GPHN: variants seen among roughly 807,000 people sequenced by gnomAD.
The protein encoded by GPHN is gephyrin.
GPHN carries 17 observed loss-of-function variants against 95.5 expected under a neutral mutation model. The ratio of observed to expected loss-of-function variants is 0.18; its 90% confidence interval spans 0.12 to 0.27. GPHN has a LOEUF of 0.27. Ranked by LOEUF, GPHN falls within the 10% of genes least tolerant of loss-of-function variation. GPHN has a pLI of 1.00. For synonymous variants in GPHN, 320 were observed against 322.5 expected, an observed-to-expected ratio of 0.99 and a Z score of 0.08; for missense variants, 660 against 978.1, an observed-to-expected ratio of 0.67 and a Z score of 4.34.
the GPHN span, chr14:67,590,190 G>A: frequency 2.6e-6 from 4 of 1,543,838 alleles, no homozygotes; most frequent in South Asian, 2.4e-5. Context: ...CCAAAGGGGA[G>A]AAATGCGGAG....
At chr14:67,398,590 ACGACCC>A in the GPHN span, among the ~76,000 whole-genome samples, 1 of 137,602 alleles carries the variant, frequency 7.3e-6, no homozygotes, top group African/African-American at 2.9e-5. Flanking sequence ...AACCACCTAA[ACGACCC>A]TTCTCTTTAT....
intron 10 of GPHN, among the ~76,000 whole-genome samples, chr14:67,036,105 A>T (rs1449683828): frequency 1.3e-5 from 2 of 151,978 alleles, no homozygotes; most frequent in African/African-American, 4.8e-5. Context: ...TATCACATTA[A>T]CAGAACATGG....
the GPHN span, among the ~76,000 whole-genome samples, chr14:67,673,135 GAGTT>G: frequency 6.6e-6 from 1 of 152,158 alleles, no homozygotes; most frequent in Non-Finnish European, 1.5e-5. Context: ...TTGAGGTCAG[GAGTT>G]AGAGATCAGC....
At position 67,061,726 on chromosome 14, in the gene GPHN, G is replaced by A. The variant is rs148437777; in HGVS notation, c.1144+2940G>A. ...TAGGTCTCACTATGTTTCCCAGGCT[G>A]GCCCTCAACTCTCAGCCTCAAGCGA... On this transcript the variant is annotated intron_variant, in intron 11 of 22. Transcript: ENST00000478722. 3.0e-3 allele frequency among the ~76,000 whole-genome samples: 454 copies of A among 151,790 alleles called. 3 individuals are homozygous for A. The highest frequency in any genetic ancestry group is 0.011 in the African/African-American group (436 of 41,362).
the GPHN span, among the ~76,000 whole-genome samples, chr14:67,433,726 A>G: frequency 2.0e-5 from 3 of 152,232 alleles, no homozygotes; most frequent in Non-Finnish European, 2.9e-5. Flanking sequence ...AAAGTTGGCC[A>G]GGGTAATAGA....
the GPHN span, chr14:67,729,519 C>T: frequency 1.5e-5 from 12 of 808,758 alleles, no homozygotes; most frequent in African/African-American, 1.7e-4. Context: ...AACAGAATGC[C>T]GTTGCTTTGT....
chr14:67,033,065 A>T (rs938977874), intron 10 of GPHN, among the ~76,000 whole-genome samples: 1 of 152,200 alleles, frequency 6.6e-6, no homozygotes, highest in African/African-American at 2.4e-5. Flanking sequence ...GAAGATTTCA[A>T]CACAAAGTTA....
At chr14:66,955,309 T>G (rs1425033957) in intron 8 of GPHN, among the ~76,000 whole-genome samples, 1 of 152,192 alleles carries the variant, frequency 6.6e-6, no homozygotes, top group African/African-American at 2.4e-5. Context: ...GATTTTCTAT[T>G]TCTTCTTGAG....
At chr14:66,563,831 A>C (rs1226694042) in intron 1 of GPHN, among the ~76,000 whole-genome samples, 1 of 152,040 alleles carries the variant, frequency 6.6e-6, no homozygotes, top group Admixed American at 6.6e-5. Context: ...CTGGATGCTT[A>C]TCATTCTCTT....
the GPHN span, chr14:67,199,478 A>G: frequency 6.2e-7 from 1 of 1,613,090 alleles, no homozygotes; most frequent in Admixed American, 1.7e-5. Context: ...TGACACAGGC[A>G]ACTCCAAAGG....
At chr14:67,586,604 G>C in the GPHN span, 1 of 437,664 alleles carries the variant, frequency 2.3e-6, no homozygotes, top group Non-Finnish European at 4.1e-6. Flanking sequence ...AATACAGGAA[G>C]TGTTGACCAG....
intron 2 of GPHN, among the ~76,000 whole-genome samples, chr14:66,711,174 GT>G (rs1300162802): frequency 1.3e-5 from 2 of 152,024 alleles, no homozygotes; most frequent in African/African-American, 4.8e-5. Context: ...CACCCTATTT[GT>G]AGTCTTAACC....
intron 2 of GPHN, among the ~76,000 whole-genome samples, chr14:66,735,019 G>A (rs993421817): frequency 2.0e-5 from 3 of 152,106 alleles, no homozygotes; most frequent in Admixed American, 2.0e-4. Context: ...ATTCTAAATG[G>A]AGTAAGTAAT....
the GPHN span, among the ~76,000 whole-genome samples, chr14:67,659,473 T>G: frequency 6.8e-6 from 1 of 147,502 alleles, no homozygotes; most frequent in African/African-American, 2.5e-5. Flanking sequence ...AAAGCACTGT[T>G]TTTTTTTTAT....
chr14:67,148,754 GA>G (rs1367847334), intron 18 of GPHN, among the ~76,000 whole-genome samples: 1 of 151,466 alleles, frequency 6.6e-6, no homozygotes, highest in East Asian at 2.0e-4. Context: ...TTTTAGTAGA[GA>G]CAGGGTTTCA....
the GPHN span, among the ~76,000 whole-genome samples, chr14:67,457,228 C>T: frequency 6.6e-6 from 1 of 152,124 alleles, no homozygotes; most frequent in Non-Finnish European, 1.5e-5. Flanking sequence ...AACCCTCAGA[C>T]ACTCAATTTA....
chr14:67,168,222 C>T (rs959132875), intron 20 of GPHN, among the ~76,000 whole-genome samples: 1 of 152,188 alleles, frequency 6.6e-6, no homozygotes, highest in Non-Finnish European at 1.5e-5. Context: ...CATGATCTTT[C>T]CTGTATGTGT....
At chr14:67,694,770 T>C in the GPHN span, among the ~76,000 whole-genome samples, 1 of 152,004 alleles carries the variant, frequency 6.6e-6, no homozygotes, top group East Asian at 1.9e-4. Context: ...AGAAGGAAAG[T>C]AGGTGACTGT....
the GPHN span, among the ~76,000 whole-genome samples, chr14:67,542,857 C>T: frequency 8.5e-5 from 13 of 152,206 alleles, no homozygotes; most frequent in Admixed American, 2.0e-4. Flanking sequence ...TGCACCACCA[C>T]GCCCGGCTAA....
Sources: gnomAD v4.1 joint callset for allele counts (sites outside exome capture counted in the v4.1 genomes callset) on GRCh38, gnomAD v4.1.1 for gene constraint, MANE v1.5 for transcripts, NCBI Gene and HGNC (gene_info 2026-07-23, HGNC 2026-07-21) for gene names.